The following ATCAY variants were observed in gnomAD, a reference collection of about 807,000 sequenced individuals.
The protein encoded by ATCAY is ATCAY kinesin light chain interacting caytaxin.
Under a neutral mutation model 47.7 loss-of-function variants are expected in ATCAY, and 22 were observed. That is an observed-to-expected ratio of 0.46 (90% CI 0.33 to 0.66). The LOEUF (loss-of-function observed/expected upper bound fraction) is 0.66. ATCAY is among the 30% of genes least tolerant of loss of function. The pLI, the probability that ATCAY is intolerant of heterozygous loss-of-function variation, is 0.02. For synonymous variants in ATCAY, 216 were observed against 207.6 expected, an observed-to-expected ratio of 1.04 and a Z score of -0.35; for missense variants, 452 against 515.0, an observed-to-expected ratio of 0.88 and a Z score of 1.18.
Position 3,909,652 on chromosome 19 carries a change from G to A in ATCAY, c.779+35G>A, listed in dbSNP as rs367915484. 68 of 1,552,676 alleles carry A rather than the reference G, an allele frequency of 4.4e-5. No homozygotes were observed. The African/African-American group carries it at 6.8e-4, about 16-fold the overall frequency. Reference sequence around the variant, plus strand: ...GGATGCCTCAGGAAGCACAGTGGGGGCATGAAAATCACACAGGGGGCTGGA... The same window carrying A: ...GGATGCCTCAGGAAGCACAGTGGGGACATGAAAATCACACAGGGGGCTGGA... On this transcript the variant is annotated intron_variant, in intron 7 of 12. Transcript: ENST00000450849.
At chr19:3,883,226 T>C (rs1183498931) in intron 1 of ATCAY, among the ~76,000 whole-genome samples, 1 of 151,994 alleles carries the variant, frequency 6.6e-6, no homozygotes, top group African/African-American at 2.4e-5. Flanking sequence ...ATACAAAAAT[T>C]AGCTGGACGT....
chr19:3,898,404 T>G (rs914867280), intron 2 of ATCAY, among the ~76,000 whole-genome samples: 1 of 152,148 alleles, frequency 6.6e-6, no homozygotes, highest in Non-Finnish European at 1.5e-5. Flanking sequence ...CGACTGGTCT[T>G]GAACTCCTGG....
intron 6 of ATCAY, 119 bp downstream of exon 6, chr19:3,908,489 G>A: frequency 1.1e-6 from 1 of 941,422 alleles, no homozygotes; most frequent in East Asian, 2.6e-5. Flanking sequence ...CACCAGGGAA[G>A]GGCGTGGTGG....
chr19:3,907,936 G>A lies in ATCAY; in HGVS notation c.544+17G>A, dbSNP rs763701997. 8.7e-5 allele frequency: 140 copies of A among 1,608,740 alleles called. No individual in the cohort carries two copies. Among genetic ancestry groups the A allele is most frequent in the Middle Eastern group, 5.0e-4 (3 of 6,056 alleles). Reference sequence around the variant, plus strand: ...CCCACGGAGGTGAGACCCGCCCCCCGGTGCCCCCTTGGGGCTCCAGCCCGG... The same window carrying A: ...CCCACGGAGGTGAGACCCGCCCCCCAGTGCCCCCTTGGGGCTCCAGCCCGG... On this transcript the variant is annotated intron_variant, in intron 5 of 12. Transcript: ENST00000450849. This position sits in a 1 kb window ranked among gnomAD's most constrained non-coding sequence, Gnocchi z 5.1.
At position 3,921,896 on chromosome 19, in the gene ATCAY, A is replaced by G. The variant is rs577056381; in HGVS notation, c.1106+1098A>G. Among the ~76,000 whole-genome samples, 241 of 57,800 alleles carry G rather than the reference A, an allele frequency of 4.2e-3. 3 individuals carry two copies. Among genetic ancestry groups the G allele is most frequent in the African/African-American group, 0.012 (219 of 18,456 alleles). The allele number at this position is 57,800 out of a possible 152,430, so 37.9% of individuals were successfully genotyped here. ...TGGGCAACAGAGCAAGACTCTGTTT[A>G]AAAAAAAAAAAACAAAAAAACAAAA... On this transcript the variant is annotated intron_variant, in intron 12 of 12. Coordinates refer to ENST00000450849, the MANE Select transcript of ATCAY (RefSeq NM_033064.5).
chr19:3,909,542 T>C lies in ATCAY; in HGVS notation c.704T>C (p.Leu235Pro). The C allele has an allele frequency of 1.9e-6, 3 of 1,613,846 alleles. No individual in the cohort carries two copies. Among genetic ancestry groups the C allele is most frequent in the Non-Finnish European group, 2.5e-6 (3 of 1,179,850 alleles). Residue 235 changes from leucine (L) to proline (P), a missense_variant, in exon 7 of 13, where the codon CTG (leucine) becomes CCG (proline). Leu to Pro is a moderately conservative substitution (Grantham distance 98). Coordinates refer to ENST00000450849, the MANE Select transcript of ATCAY (RefSeq NM_033064.5). ...LVAEDYMIVY[L>P]NGATPRRRMP... ...GCTGAGGACTACATGATCGTGTACC[T>C]GAACGGTGCCACGCCCCGGCGGAGG... is the stretch of plus-strand genomic sequence containing the variant.
chr19:3,917,651 G>A, intron 9 of ATCAY, 91 bp from the exon 10 acceptor site: 2 of 864,808 alleles, frequency 2.3e-6, no homozygotes, highest in South Asian at 1.4e-5. Flanking sequence ...AAGAGAGCTT[G>A]TTTCTCTGCT....
intron 1 of ATCAY, 103 bp from the exon 2 acceptor site, chr19:3,885,624 G>A: frequency 1.6e-6 from 1 of 612,134 alleles, no homozygotes; most frequent in Non-Finnish European, 2.9e-6. Flanking sequence ...AAGGGGGAGG[G>A]GGAGACGGAG....
chr19:3,908,755 T>C (rs2038892304), intron 6 of ATCAY, among the ~76,000 whole-genome samples: 1 of 79,756 alleles, frequency 1.3e-5, no homozygotes, highest in Non-Finnish European at 2.4e-5. Flanking sequence ...CCTCTTCCCC[T>C]TCCCTCTCCT....
chr19:3,910,720 G>A (rs1243471064), intron 7 of ATCAY, 83 bp from the exon 8 acceptor site: 2 of 1,375,416 alleles, frequency 1.5e-6, no homozygotes, highest in Non-Finnish European at 2.1e-6. Flanking sequence ...ATGCTTGCTT[G>A]TGGCTCTCCC....
At chr19:3,910,737 C>T in intron 7 of ATCAY, 66 bp from the exon 8 acceptor site, 2 of 1,547,252 alleles carry the variant, frequency 1.3e-6, no homozygotes, top group Non-Finnish European at 1.8e-6. Context: ...TCCCGTCCCA[C>T]CCAGCTCCTC....
Position 3,913,947 on chromosome 19 carries a change from G to A in ATCAY, c.965+91G>A. The stretch of plus-strand genomic sequence containing the variant: ...TGAGACAGGGCAATTTACAAAAGAG[G>A]TTTAAGGGGCCGGGCGCGGTGGCTC... On this transcript the variant is annotated intron_variant, in intron 9 of 12. Transcript: ENST00000450849. 2.5e-6 allele frequency: 3 copies of A among 1,223,638 alleles called. No homozygotes were observed. The Admixed American group carries it at 5.8e-5, about 24-fold the overall frequency. 75.8% of individuals were successfully genotyped at this position (1,223,638 alleles called of 1,614,324 possible). A position where few individuals can be genotyped will look rare whatever the true frequency, so the allele number is the denominator to read the frequency against.
chr19:3,907,932 C>A lies in ATCAY; in HGVS notation c.544+13C>A, dbSNP rs780196890. The stretch of plus-strand genomic sequence containing the variant: ...GTCACCCACGGAGGTGAGACCCGCC[C>A]CCCGGTGCCCCCTTGGGGCTCCAGC... On this transcript the variant is annotated intron_variant, in intron 5 of 12. Coordinates refer to ENST00000450849, the MANE Select transcript of ATCAY (RefSeq NM_033064.5). The surrounding 1 kb of genome is among the most constrained non-coding windows in gnomAD (Gnocchi z 5.1). The A allele has an allele frequency of 4.3e-6, 7 of 1,609,428 alleles. No homozygotes were observed. The Admixed American group carries it at 6.8e-5, about 16-fold the overall frequency.
chr19:3,882,319 T>G (rs999924797), intron 1 of ATCAY, among the ~76,000 whole-genome samples: 1 of 151,568 alleles, frequency 6.6e-6, no homozygotes, highest in African/African-American at 2.4e-5. Flanking sequence ...GCCAGATGCT[T>G]TATCTTTTAT....
chr19:3,910,579 C>T (rs1469747069), intron 7 of ATCAY, among the ~76,000 whole-genome samples: 2 of 152,152 alleles, frequency 1.3e-5, no homozygotes, highest in African/African-American at 4.8e-5. Context: ...TCTCTACCTA[C>T]CTCATCCACC....
At chr19:3,921,891 T>C (rs762140514) in intron 12 of ATCAY, among the ~76,000 whole-genome samples, 22 of 130,870 alleles carry the variant, frequency 1.7e-4, no homozygotes, top group Admixed American at 2.6e-4. Context: ...AGCAAGACTC[T>C]GTTTAAAAAA....
chr19:3,905,153 C>T lies in ATCAY; in HGVS notation c.137-281C>T, dbSNP rs182297376. Among the ~76,000 whole-genome samples the T allele has an allele frequency of 3.6e-3, 550 of 152,284 alleles. 1 individual carries two copies. Among genetic ancestry groups the T allele is most frequent in the African/African-American group, 0.013 (528 of 41,558 alleles). On this transcript the variant is annotated intron_variant, in intron 3 of 12. Coordinates refer to ENST00000450849, the MANE Select transcript of ATCAY (RefSeq NM_033064.5). ...GATTACAGGCGTGAGCCACCGCACC[C>T]GGCCCAAAGTCAGGCTTTGAACTCA...
intron 8 of ATCAY, among the ~76,000 whole-genome samples, chr19:3,911,457 G>A (rs2038921986): frequency 6.6e-6 from 1 of 152,048 alleles, no homozygotes; most frequent in Non-Finnish European, 1.5e-5. Flanking sequence ...CCAGGAGGTA[G>A]AGGCTGCAGT....
At chr19:3,896,937 C>T (rs977524658) in intron 2 of ATCAY, among the ~76,000 whole-genome samples, 4 of 151,540 alleles carry the variant, frequency 2.6e-5, no homozygotes, top group African/African-American at 7.3e-5. Context: ...CCACCATGCC[C>T]GGCTAATTTT....
Sources: allele counts gnomAD v4.1 joint callset (sites outside exome capture counted in the v4.1 genomes callset), GRCh38; gene constraint gnomAD v4.1.1; non-coding constraint Gnocchi (gnomAD v3.1); transcripts MANE v1.5; gene names NCBI Gene and HGNC (gene_info 2026-07-23, HGNC 2026-07-21).